Variants in SDK1 observed in about 807,000 individuals in gnomAD.
The protein encoded by SDK1 is sidekick cell adhesion molecule 1, also known as protein sidekick-1.
In SDK1, 157 loss-of-function variants were observed where a neutral mutation model predicts 245.5. The observed-to-expected ratio is 0.64, with a 90% CI of 0.56 to 0.73. The LOEUF (loss-of-function observed/expected upper bound fraction) is 0.73. SDK1 is among the 30% of genes least tolerant of loss of function. The probability of loss-of-function intolerance (pLI) is 0.00; values close to 1 mark genes in which losing one functional copy is unlikely to be tolerated. For missense variants in SDK1, 3,583 were observed against 3,002.3 expected, an observed-to-expected ratio of 1.19 and a Z score of -4.52; for synonymous variants, 1,647 against 1,278.5, an observed-to-expected ratio of 1.29 and a Z score of -6.15.
At chr7:3,353,509 G>C (rs963529188) in intron 1 of SDK1, among the ~76,000 whole-genome samples, 1 of 152,136 alleles carries the variant, frequency 6.6e-6, no homozygotes, top group Non-Finnish European at 1.5e-5. Flanking sequence ...TATGTTCTCT[G>C]TTTATGCTCT....
chr7:3,437,162 T>G (rs370492105), intron 1 of SDK1, among the ~76,000 whole-genome samples: 16 of 152,316 alleles, frequency 1.1e-4, no homozygotes, highest in Admixed American at 3.9e-4. Context: ...ACCTTTATTG[T>G]TCAGTACCCT....
At chr7:3,744,269 C>T (rs80068997) in intron 4 of SDK1, among the ~76,000 whole-genome samples, 144 of 152,176 alleles carry the variant, frequency 9.5e-4, no homozygotes, top group African/African-American at 3.1e-3. Flanking sequence ...TGCCGAACCC[C>T]TTACGATACT....
intron 1 of SDK1, among the ~76,000 whole-genome samples, chr7:3,375,746 C>T (rs536872891): frequency 1.8e-4 from 27 of 152,164 alleles, no homozygotes; most frequent in Non-Finnish European, 3.4e-4. Context: ...GAAGTGGATC[C>T]TCCAGCCCCA....
At chr7:3,370,923 T>G (rs745305767) in intron 1 of SDK1, among the ~76,000 whole-genome samples, 1 of 152,122 alleles carries the variant, frequency 6.6e-6, no homozygotes, top group Admixed American at 6.6e-5. Flanking sequence ...CTCTCCACTT[T>G]GACTTAAAAA....
chr7:3,846,849 C>G (rs988303369), intron 5 of SDK1, among the ~76,000 whole-genome samples: 15 of 152,166 alleles, frequency 9.9e-5, no homozygotes, highest in African/African-American at 3.1e-4. Flanking sequence ...CCCCTCTCCA[C>G]GACCCTCTTT....
chr7:3,714,488 AG>A (rs1475282237), intron 4 of SDK1, among the ~76,000 whole-genome samples: 3 of 152,170 alleles, frequency 2.0e-5, no homozygotes, highest in Non-Finnish European at 4.4e-5. Context: ...AAGAATAATA[AG>A]TTTATCCCAT....
chr7:3,889,958 G>GT (rs1238611937), intron 5 of SDK1, among the ~76,000 whole-genome samples: 1 of 152,144 alleles, frequency 6.6e-6, no homozygotes, highest in African/African-American at 2.4e-5. Flanking sequence ...TCACTTTTGT[G>GT]TAAGTTAACC....
chr7:3,465,037 G>C (rs1451520268), intron 1 of SDK1, among the ~76,000 whole-genome samples: 1 of 152,120 alleles, frequency 6.6e-6, no homozygotes. Flanking sequence ...TTGAAAGAGA[G>C]GGCACAAACT....
At chr7:3,557,974 G>A (rs549504328) in intron 1 of SDK1, among the ~76,000 whole-genome samples, 2 of 152,220 alleles carry the variant, frequency 1.3e-5, no homozygotes, top group South Asian at 4.2e-4. Context: ...ATCAGTATTA[G>A]ACAAAGCATA....
At chr7:3,771,852 T>C (rs1780413365) in intron 4 of SDK1, among the ~76,000 whole-genome samples, 1 of 152,156 alleles carries the variant, frequency 6.6e-6, no homozygotes, top group Non-Finnish European at 1.5e-5. Flanking sequence ...CCCCCATCCA[T>C]CTCCAGAACT....
intron 35 of SDK1, among the ~76,000 whole-genome samples, 177 bp downstream of exon 35, chr7:4,178,763 C>T (rs1584380886): frequency 6.6e-6 from 1 of 152,206 alleles, no homozygotes; most frequent in African/African-American, 2.4e-5. Flanking sequence ...CAGCTGAGAG[C>T]TGGAATTTCC....
At chr7:3,725,330 C>T (rs372836995) in intron 4 of SDK1, among the ~76,000 whole-genome samples, 6 of 152,176 alleles carry the variant, frequency 3.9e-5, no homozygotes, top group East Asian at 3.9e-4. Flanking sequence ...AACTGTCCTT[C>T]TCAAAGCATT....
At position 4,149,341 on chromosome 7, in the gene SDK1, G is replaced by A. The variant is rs150264283; in HGVS notation, c.4503G>A (p.Pro1501=). The A allele has an allele frequency of 6.5e-4, 1,041 of 1,590,440 alleles. 1 individual carries two copies. The highest frequency in any genetic ancestry group is 9.5e-4 in the Admixed American group (54 of 56,990). ...TARSLRLQWV[P]GSDGASPIRY... Reference sequence around the variant, plus strand: ...GCAGCCTCCGGCTCCAGTGGGTCCCGGGCAGCGACGGGGCCTCCCCCATCC... The same window carrying A: ...GCAGCCTCCGGCTCCAGTGGGTCCCAGGCAGCGACGGGGCCTCCCCCATCC... The change falls in exon 30 of 45, where the codon CCG becomes CCA. Residue 1501 remains proline (P), a synonymous_variant. Transcript: ENST00000404826.
At chr7:3,451,174 C>T (rs570091265) in intron 1 of SDK1, among the ~76,000 whole-genome samples, 4 of 152,006 alleles carry the variant, frequency 2.6e-5, no homozygotes, top group South Asian at 2.1e-4. Context: ...ATGAACAAGA[C>T]GTGAGCAATG....
chr7:3,794,355 GAAAA>G (rs879932087), intron 4 of SDK1, among the ~76,000 whole-genome samples: 1 of 151,654 alleles, frequency 6.6e-6, no homozygotes, highest in African/African-American at 2.4e-5. Flanking sequence ...AAAATAGGAA[GAAAA>G]AAAAGGCATA....
intron 1 of SDK1, among the ~76,000 whole-genome samples, chr7:3,498,091 A>G (rs1379717584): frequency 1.3e-5 from 2 of 152,242 alleles, no homozygotes; most frequent in East Asian, 1.9e-4. Flanking sequence ...AAATTGGTCT[A>G]CATTTAATTT....
rs116418292 is a variant in SDK1, at chr7:4,206,118, A to G, written c.5214+124A>G. 571 of 654,870 alleles carry G rather than the reference A, an allele frequency of 8.7e-4. 1 individual carries two copies. The African/African-American group carries it at 9.9e-3, about 11-fold the overall frequency. 40.6% of individuals were successfully genotyped at this position (654,870 alleles called of 1,614,324 possible). A position where few individuals can be genotyped will look rare whatever the true frequency, so the allele number is the denominator to read the frequency against. ...GCTCCACCTGGAGAGCTGGGGCCCA[A>G]GCGTCGGAGCTTGGCTAGACCTGGC... On this transcript the variant is annotated intron_variant, in intron 36 of 44. Coordinates refer to ENST00000404826, the MANE Select transcript of SDK1 (RefSeq NM_152744.4).
intron 14 of SDK1, among the ~76,000 whole-genome samples, chr7:3,999,538 G>A (rs897110087): frequency 6.6e-6 from 1 of 152,160 alleles, no homozygotes; most frequent in African/African-American, 2.4e-5. Flanking sequence ...ATGTTCAAAC[G>A]GTCAGTATTC....
At chr7:3,378,312 GATTCTTTA>G (rs1304245075) in intron 1 of SDK1, among the ~76,000 whole-genome samples, 3 of 152,154 alleles carry the variant, frequency 2.0e-5, no homozygotes, top group African/African-American at 7.2e-5. Flanking sequence ...TGTCTTGCAG[GATTCTTTA>G]ATTCTACTTA....
Sources: allele counts gnomAD v4.1 joint callset (sites outside exome capture counted in the v4.1 genomes callset), GRCh38; gene constraint gnomAD v4.1.1; transcripts MANE v1.5; gene names NCBI Gene and HGNC (gene_info 2026-07-23, HGNC 2026-07-21).